Variants in CNTLN observed in about 807,000 individuals in gnomAD.
CNTLN encodes centlein.
Under a neutral mutation model 180.0 loss-of-function variants are expected in CNTLN, and 212 were observed. That is an observed-to-expected ratio of 1.18 (90% CI 1.05 to 1.32). The LOEUF (loss-of-function observed/expected upper bound fraction) is 1.32, where lower values mean the gene tolerates loss of function less well. Among genes scored for constraint, CNTLN ranks in the 40% most tolerant of loss-of-function variants. The pLI is 0.00. For synonymous variants in CNTLN, 722 were observed against 563.1 expected (o/e 1.28, Z -3.99); for missense variants, 2,095 against 1,610.9 (o/e 1.30, Z -5.14).
At chr9:17,208,676 T>G (rs2131943018) in intron 2 of CNTLN, among the ~76,000 whole-genome samples, 1 of 152,330 alleles carries the variant, frequency 6.6e-6, no homozygotes, top group East Asian at 1.9e-4. Flanking sequence ...TTTGGATTTC[T>G]TCATGATTCA....
chr9:17,223,807 G>A (rs535217162), intron 2 of CNTLN, among the ~76,000 whole-genome samples: 1 of 151,958 alleles, frequency 6.6e-6, no homozygotes, highest in South Asian at 2.1e-4. Context: ...AAATTTCACA[G>A]GGCCTAGAAG....
chr9:17,161,794 A>G (rs7025130), intron 2 of CNTLN, among the ~76,000 whole-genome samples: 2,885 of 152,256 alleles, frequency 0.019, 57 homozygotes, highest in African/African-American at 0.05. Flanking sequence ...GCAGCTTGTA[A>G]TCCACCTACT....
In CNTLN at chr9:17,262,206, C is replaced by G. The variant is rs1010923082; in HGVS notation, c.850-11527C>G. ...TCTAGAACCAGGAACACCATTTGACCCAGCAATACCGTTACTGGGTATATA... is the reference window on the plus strand; with the variant it reads ...TCTAGAACCAGGAACACCATTTGACGCAGCAATACCGTTACTGGGTATATA... On this transcript the variant is annotated intron_variant, in intron 5 of 25. Coordinates refer to ENST00000380647, the MANE Select transcript of CNTLN (RefSeq NM_017738.4). Among the ~76,000 whole-genome samples the G allele has an allele frequency of 2.6e-5, 4 of 151,334 alleles. 1 individual carries two copies. The highest frequency in any genetic ancestry group is 9.8e-5 in the African/African-American group (4 of 40,764).
rs111717175 is a variant in CNTLN at position 17,323,465 on chromosome 9, G to A, written c.1342-7167G>A. Among the ~76,000 whole-genome samples, 9 of 152,302 alleles carry A rather than the reference G, an allele frequency of 5.9e-5. No individual in the cohort carries two copies. In the Middle Eastern group the frequency reaches 0.01, roughly 173 times the overall value. On this transcript the variant is annotated intron_variant, in intron 8 of 25. Coordinates refer to ENST00000380647, the MANE Select transcript of CNTLN (RefSeq NM_017738.4). ...GGCGGGTCACGAGCTTCAGGGAGTA[G>A]AAGCACAAGCTCCTCCATATGTTCT...
intron 13 of CNTLN, among the ~76,000 whole-genome samples, chr9:17,373,654 G>C (rs1824513534): frequency 6.6e-6 from 1 of 152,032 alleles, no homozygotes; most frequent in Non-Finnish European, 1.5e-5. Flanking sequence ...TAGAATAAAA[G>C]AGACCCAGAA....
intron 14 of CNTLN, 71 bp from the exon 15 acceptor site, chr9:17,394,463 G>A (rs1325793252): frequency 1.9e-6 from 2 of 1,075,666 alleles, no homozygotes; most frequent in East Asian, 2.6e-5. Context: ...TATTTCATAA[G>A]TTAGAAATGG....
chr9:17,368,688 A>G, intron 13 of CNTLN, among the ~76,000 whole-genome samples: 1 of 152,196 alleles, frequency 6.6e-6, no homozygotes, highest in East Asian at 1.9e-4. Context: ...AAGGAAAGAA[A>G]ACAAGAGTCT....
At chr9:17,465,783 T>G (rs946848853) in intron 21 of CNTLN, among the ~76,000 whole-genome samples, 198 bp from the exon 22 acceptor site, 7 of 151,316 alleles carry the variant, frequency 4.6e-5, no homozygotes, top group Non-Finnish European at 1.0e-4. Flanking sequence ...TGTGCAATTT[T>G]AGTTTTTGTT....
intron 7 of CNTLN, among the ~76,000 whole-genome samples, chr9:17,308,459 G>A (rs943539637): frequency 6.6e-6 from 1 of 151,942 alleles, no homozygotes; most frequent in East Asian, 1.9e-4. Flanking sequence ...CCTCCTAGCA[G>A]TAGATACTAA....
At chr9:17,282,839 T>C (rs574576465) in intron 6 of CNTLN, among the ~76,000 whole-genome samples, 3 of 152,200 alleles carry the variant, frequency 2.0e-5, no homozygotes, top group Non-Finnish European at 4.4e-5. Context: ...ATTTATTAAA[T>C]AGAGAATCCT....
chr9:17,339,447 C>T (rs548699384), intron 10 of CNTLN, among the ~76,000 whole-genome samples: 1 of 152,324 alleles, frequency 6.6e-6, no homozygotes, highest in African/African-American at 2.4e-5. Context: ...TAACTTATTT[C>T]ATCAAAATTT....
intron 25 of CNTLN, among the ~76,000 whole-genome samples, chr9:17,498,596 A>C (rs184083325): frequency 2.6e-5 from 4 of 152,328 alleles, no homozygotes; most frequent in East Asian, 3.8e-4. Flanking sequence ...TTTCTATGCC[A>C]AGAAATTTCA....
chr9:17,166,420 A>T (rs1820072613), intron 2 of CNTLN, among the ~76,000 whole-genome samples: 2 of 152,186 alleles, frequency 1.3e-5, no homozygotes, highest in African/African-American at 4.8e-5. Flanking sequence ...AGTAGCAGAG[A>T]ACAGAGAAAA....
At chr9:17,525,465 G>A in the CNTLN span, among the ~76,000 whole-genome samples, 2 of 152,062 alleles carry the variant, frequency 1.3e-5, no homozygotes, top group Non-Finnish European at 2.9e-5. Flanking sequence ...TTTAAAAACT[G>A]GTTTACCATA....
At chr9:17,228,142 G>C (rs1323106599) in intron 3 of CNTLN, among the ~76,000 whole-genome samples, 2 of 152,058 alleles carry the variant, frequency 1.3e-5, no homozygotes, top group African/African-American at 4.8e-5. Flanking sequence ...TAGGCATTAA[G>C]TTTGCAATGC....
chr9:17,515,001 C>T, the CNTLN span, among the ~76,000 whole-genome samples: 1 of 152,166 alleles, frequency 6.6e-6, no homozygotes, highest in South Asian at 2.1e-4. Flanking sequence ...TACCATGTAG[C>T]CCTGGACTAC....
At chr9:17,406,389 G>A (rs190696761) in intron 15 of CNTLN, among the ~76,000 whole-genome samples, 2 of 151,830 alleles carry the variant, frequency 1.3e-5, no homozygotes. Flanking sequence ...TACCTACACT[G>A]GACTGACTGT....
chr9:17,241,541 T>A lies in CNTLN; in HGVS notation c.849+4953T>A, dbSNP rs144260495. On this transcript the variant is annotated intron_variant, in intron 5 of 25. Coordinates refer to ENST00000380647, the MANE Select transcript of CNTLN (RefSeq NM_017738.4). ...TCAGGATAGCTTTGGCTACTCTGGG[T>A]CTTTTGTGATTCCTTATAATTTTCA... 2.0e-3 allele frequency among the ~76,000 whole-genome samples: 299 copies of A among 152,180 alleles called. 1 individual carries two copies. The highest frequency in any genetic ancestry group is 6.8e-3 in the African/African-American group (283 of 41,522).
At chr9:17,217,718 A>T (rs979272253) in intron 2 of CNTLN, among the ~76,000 whole-genome samples, 1 of 152,220 alleles carries the variant, frequency 6.6e-6, no homozygotes, top group Admixed American at 6.5e-5. Flanking sequence ...TATAATACAC[A>T]ATCTTTTCCT....
Sources: allele counts gnomAD v4.1 joint callset (sites outside exome capture counted in the v4.1 genomes callset), GRCh38; gene constraint gnomAD v4.1.1; transcripts MANE v1.5; gene names NCBI Gene and HGNC (gene_info 2026-07-23, HGNC 2026-07-21).